Variants in PAG1 observed in about 807,000 individuals in gnomAD.
PAG1 encodes the protein phosphoprotein membrane anchor with glycosphingolipid microdomains 1.
Under a neutral mutation model 31.7 loss-of-function variants are expected in PAG1, and 23 were observed. The observed-to-expected ratio is 0.73, with a 90% CI of 0.52 to 1.03. The LOEUF is 1.03. PAG1 is among the 50% of genes least tolerant of loss of function. The pLI is 0.00. For missense variants in PAG1, 473 were observed against 540.7 expected, an observed-to-expected ratio of 0.87 and a Z score of 1.24; for synonymous variants, 214 against 210.3, an observed-to-expected ratio of 1.02 and a Z score of -0.15.
chr8:81,090,804 G>A (rs1279384450), intron 1 of PAG1, among the ~76,000 whole-genome samples: 4 of 151,520 alleles, frequency 2.6e-5, no homozygotes. Flanking sequence ...AAGAAATGAG[G>A]CTGACTGACC....
Position 81,019,155 on chromosome 8 carries a change from G to A in PAG1, c.-81+10841C>T, listed in dbSNP as rs189164992. 2.9e-3 allele frequency among the ~76,000 whole-genome samples: 436 copies of A among 152,278 alleles called. 1 individual carries two copies. Among genetic ancestry groups the A allele is most frequent in the Admixed American group, 7.2e-3 (110 of 15,296 alleles). On this transcript the variant is annotated intron_variant, in intron 3 of 8. Transcript: ENST00000220597. ...TTTGAATTTGAGACAAATGATTTAG[G>A]ATATCTGGTTGAAGAAATTTCTAAG...
At chr8:81,009,976 G>A (rs1331037391) in intron 3 of PAG1, among the ~76,000 whole-genome samples, 1 of 152,170 alleles carries the variant, frequency 6.6e-6, no homozygotes, top group Non-Finnish European at 1.5e-5. Context: ...AATAGATCAG[G>A]AATGGGGCCT....
At chr8:81,052,529 G>A (rs1385396817) in intron 2 of PAG1, among the ~76,000 whole-genome samples, 2 of 152,192 alleles carry the variant, frequency 1.3e-5, no homozygotes, top group Non-Finnish European at 2.9e-5. Context: ...TAATTTGACA[G>A]TGATTGAGCT....
chr8:81,096,000 A>G (rs753773588), intron 1 of PAG1, among the ~76,000 whole-genome samples: 1 of 152,248 alleles, frequency 6.6e-6, no homozygotes, highest in Non-Finnish European at 1.5e-5. Flanking sequence ...AAGTTTGTTA[A>G]GTGAAGCGTT....
chr8:81,026,036 AC>A (rs1410035071), intron 3 of PAG1, among the ~76,000 whole-genome samples: 1 of 151,926 alleles, frequency 6.6e-6, no homozygotes, highest in Non-Finnish European at 1.5e-5. Flanking sequence ...TGCTGTTTCT[AC>A]CCTTCCTTGG....
chr8:81,003,222 G>A (rs996808695), intron 3 of PAG1, among the ~76,000 whole-genome samples: 4 of 152,218 alleles, frequency 2.6e-5, no homozygotes, highest in Non-Finnish European at 5.9e-5. Context: ...AGAGCTGCTA[G>A]ATGTATATAT....
chr8:81,048,990 C>A (rs17569939), intron 2 of PAG1, among the ~76,000 whole-genome samples: 1 of 152,136 alleles, frequency 6.6e-6, no homozygotes, highest in Non-Finnish European at 1.5e-5. Flanking sequence ...TTCTGGCTAA[C>A]GATTATGACT....
intron 2 of PAG1, among the ~76,000 whole-genome samples, chr8:81,036,131 C>T (rs1034003028): frequency 1.3e-5 from 2 of 152,142 alleles, no homozygotes; most frequent in Admixed American, 1.3e-4. Context: ...GGTCCTAATT[C>T]TGTTTCCATC....
At position 80,976,462 on chromosome 8, in the gene PAG1, G is replaced by A; in HGVS notation, c.*82C>T. On this transcript the variant is annotated 3_prime_UTR_variant, in exon 9 of 9. Coordinates refer to ENST00000220597, the MANE Select transcript of PAG1 (RefSeq NM_018440.4). ...TGACTAAAGCAGCATATGAAGTATA[G>A]GTTTGTGTCACTTCTTCTCTTCCAC... 1 of 1,371,644 alleles carries A rather than the reference G, an allele frequency of 7.3e-7. No individual in the cohort carries two copies. Among genetic ancestry groups the A allele is most frequent in the Non-Finnish European group, 1.0e-6 (1 of 1,002,246 alleles). The allele number at this position is 1,371,644 out of a possible 1,614,324, so 85.0% of individuals were successfully genotyped here.
chr8:81,058,442 A>C (rs1317137291), intron 2 of PAG1: 1 of 152,238 alleles, frequency 6.6e-6, no homozygotes, highest in Non-Finnish European at 1.5e-5. Flanking sequence ...GAAAATTAAC[A>C]ATAGAATTGA....
chr8:81,110,593 C>T (rs915645267), intron 1 of PAG1, among the ~76,000 whole-genome samples: 3 of 152,194 alleles, frequency 2.0e-5, no homozygotes, highest in Admixed American at 6.5e-5. Context: ...CTTTTAGACT[C>T]AACAATTGTC....
intron 3 of PAG1, among the ~76,000 whole-genome samples, chr8:81,016,572 C>T (rs1008960959): frequency 6.6e-5 from 10 of 152,182 alleles, no homozygotes; most frequent in African/African-American, 2.2e-4. Context: ...ATTTTCTACC[C>T]TTGAAACCTG....
At chr8:81,033,606 A>G in intron 2 of PAG1, among the ~76,000 whole-genome samples, 1 of 152,234 alleles carries the variant, frequency 6.6e-6, no homozygotes, top group East Asian at 1.9e-4. Flanking sequence ...CACGCCCAGC[A>G]GTTTCTGTTA....
chr8:80,983,438 T>C (rs980947433), intron 7 of PAG1, among the ~76,000 whole-genome samples: 1 of 152,226 alleles, frequency 6.6e-6, no homozygotes, highest in Non-Finnish European at 1.5e-5. Context: ...ATTTTGTTCA[T>C]GTACATGTTT....
intron 2 of PAG1, among the ~76,000 whole-genome samples, chr8:81,058,060 G>T (rs1808856925): frequency 6.6e-6 from 1 of 152,102 alleles, no homozygotes; most frequent in South Asian, 2.1e-4. Context: ...AGGGATTAGG[G>T]AACTTTTTGC....
intron 3 of PAG1, among the ~76,000 whole-genome samples, chr8:81,002,647 C>G (rs1211936051): frequency 6.6e-6 from 1 of 152,184 alleles, no homozygotes; most frequent in African/African-American, 2.4e-5. Flanking sequence ...CTTAACAGTG[C>G]TAATATTGTA....
intron 2 of PAG1, among the ~76,000 whole-genome samples, chr8:81,057,558 G>A (rs924086097): frequency 2.3e-5 from 3 of 128,240 alleles, no homozygotes; most frequent in Non-Finnish European, 4.8e-5. Context: ...ACACACAGGG[G>A]CCTGTCGTGG....
At chr8:81,098,701 C>A (rs935607979) in intron 1 of PAG1, among the ~76,000 whole-genome samples, 3 of 152,226 alleles carry the variant, frequency 2.0e-5, no homozygotes, top group African/African-American at 7.2e-5. Context: ...CCACAAACCA[C>A]AAACCTAGCT....
In PAG1 at chr8:81,078,668, G is replaced by A. The variant is rs16908527; in HGVS notation, c.-233-8498C>T. Among the ~76,000 whole-genome samples the A allele has an allele frequency of 4.4e-3, 676 of 152,178 alleles. 8 individuals are homozygous for A. The highest frequency in any genetic ancestry group is 0.016 in the African/African-American group (655 of 41,546). On this transcript the variant is annotated intron_variant, in intron 1 of 8. Coordinates refer to ENST00000220597, the MANE Select transcript of PAG1 (RefSeq NM_018440.4). ...CCTGACTCCATACACTAAGGGACAG[G>A]CTATTTAGATGACACTGTAGGTACC... is the stretch of plus-strand genomic sequence containing the variant.
Sources: gnomAD v4.1 joint callset for allele counts (sites outside exome capture counted in the v4.1 genomes callset) on GRCh38, gnomAD v4.1.1 for gene constraint, MANE v1.5 for transcripts, NCBI Gene and HGNC (gene_info 2026-07-23, HGNC 2026-07-21) for gene names.